HTR2C: variants seen among roughly 807,000 people sequenced by gnomAD.
The protein encoded by HTR2C is 5-hydroxytryptamine receptor 2C, also known as 5-hydroxytryptamine (serotonin) receptor 2C, G protein-coupled.
HTR2C carries 5 observed loss-of-function variants against 21.0 expected under a neutral mutation model. The observed-to-expected ratio is 0.24, with a 90% CI of 0.12 to 0.50. The LOEUF (loss-of-function observed/expected upper bound fraction) is 0.50. HTR2C is among the 20% of genes least tolerant of loss of function. The probability of loss-of-function intolerance (pLI) is 0.98; values close to 1 mark genes in which losing one functional copy is unlikely to be tolerated. For missense variants in HTR2C, 271 were observed against 371.2 expected (o/e 0.73, Z 2.22); for synonymous variants, 150 against 145.3 (o/e 1.03, Z -0.23).
intron 2 of HTR2C, among the ~76,000 whole-genome samples, chrX:114,672,016 G>T (rs1556411808): frequency 3.6e-5 from 4 of 111,207 alleles, no homozygotes; most frequent in Non-Finnish European, 7.5e-5. Flanking sequence ...AATGAAAAAG[G>T]TCACTACTAT....
intron 1 of HTR2C, among the ~76,000 whole-genome samples, chrX:114,605,983 G>A (rs1281669750): frequency 9.3e-6 from 1 of 107,334 alleles, no homozygotes; most frequent in Non-Finnish European, 1.9e-5. Flanking sequence ...ATACGAGGTT[G>A]GGGTGCAGAA....
At chrX:114,810,505 G>A (rs1018851520) in intron 4 of HTR2C, among the ~76,000 whole-genome samples, 3 of 109,675 alleles carry the variant, frequency 2.7e-5, no homozygotes, top group African/African-American at 1.0e-4. Flanking sequence ...CTCAGTGGGC[G>A]CTGGCTGATT....
At chrX:114,626,259 C>A (rs1261502242) in intron 2 of HTR2C, among the ~76,000 whole-genome samples, 1 of 107,922 alleles carries the variant, frequency 9.3e-6, no homozygotes, top group African/African-American at 3.4e-5. Flanking sequence ...CATGGTGGCA[C>A]ATGTCTGTAG....
intron 1 of HTR2C, among the ~76,000 whole-genome samples, chrX:114,594,022 T>C: frequency 8.9e-6 from 1 of 112,092 alleles, no homozygotes; most frequent in East Asian, 2.8e-4. Flanking sequence ...TCTGAGTGAT[T>C]GAAGACATGT....
At chrX:114,899,785 G>A (rs2071323988) in intron 5 of HTR2C, among the ~76,000 whole-genome samples, 2 of 107,930 alleles carry the variant, frequency 1.9e-5, no homozygotes, top group Admixed American at 1.9e-4. Flanking sequence ...CTCTCTGTGA[G>A]TGCCGTGGAC....
At chrX:114,597,497 G>C (rs927858757) in intron 1 of HTR2C, among the ~76,000 whole-genome samples, 4 of 111,841 alleles carry the variant, frequency 3.6e-5, no homozygotes, top group Non-Finnish European at 7.5e-5. Context: ...ACAACTAAAG[G>C]AATTTTATTG....
chrX:114,809,394 T>TG (rs1329669831), intron 4 of HTR2C, among the ~76,000 whole-genome samples: 8 of 105,920 alleles, frequency 7.6e-5, no homozygotes, highest in East Asian at 3.0e-4. Flanking sequence ...TTTTTGTTGT[T>TG]TTTTTTTTGA....
In HTR2C at chrX:114,862,058, GC is replaced by G. The variant is rs200390769; in HGVS notation, c.550+13857del. Among the ~76,000 whole-genome samples, 365 of 110,825 alleles carry G rather than the reference GC, an allele frequency of 3.3e-3. 15 individuals are homozygous for G. In the East Asian group the frequency reaches 0.1, roughly 30 times the overall value. ...ATGATATACAAAAATTCATTTCCAA[GC>G]CTAATGTACAAGAGCTTTTCCTTTA... On this transcript the variant is annotated intron_variant, in intron 5 of 5. Coordinates refer to ENST00000276198, the MANE Select transcript of HTR2C (RefSeq NM_000868.4).
At chrX:114,808,035 G>A (rs1057271467) in intron 4 of HTR2C, among the ~76,000 whole-genome samples, 2 of 110,437 alleles carry the variant, frequency 1.8e-5, no homozygotes, top group Non-Finnish European at 3.8e-5. Context: ...CTGTTGTGCT[G>A]TCAAATACTA....
intron 1 of HTR2C, among the ~76,000 whole-genome samples, chrX:114,602,943 G>A (rs1928193670): frequency 9.3e-6 from 1 of 107,769 alleles, no homozygotes; most frequent in African/African-American, 3.4e-5. Context: ...TTTCCTCGAT[G>A]GAAAGGAAAT....
chrX:114,604,708 G>A lies in HTR2C; in HGVS notation c.-146-9107G>A, dbSNP rs1386684045. ...CACACAGATGGGACACGGCTTAGGA[G>A]GAATCCTGGGCTGCGGGCATTCCTT... On this transcript the variant is annotated intron_variant, in intron 1 of 5. Coordinates refer to ENST00000276198, the MANE Select transcript of HTR2C (RefSeq NM_000868.4). 4.5e-5 allele frequency among the ~76,000 whole-genome samples: 5 copies of A among 110,852 alleles called. No individual in the cohort carries two copies. In the East Asian group the frequency reaches 1.4e-3, roughly 32 times the overall value.
At chrX:114,872,783 T>C (rs2071102321) in intron 5 of HTR2C, among the ~76,000 whole-genome samples, 1 of 111,345 alleles carries the variant, frequency 9.0e-6, no homozygotes, top group African/African-American at 3.2e-5. Context: ...AGTTGGTTTA[T>C]AGTATTGTTC....
chrX:114,652,022 T>C (rs977829425), intron 2 of HTR2C, among the ~76,000 whole-genome samples: 52 of 111,927 alleles, frequency 4.6e-4, no homozygotes, highest in African/African-American at 1.6e-3. Flanking sequence ...TTTTACCTCA[T>C]GATGATATCA....
At chrX:114,776,431 A>G in intron 4 of HTR2C, 1 of 724,326 alleles carries the variant, frequency 1.4e-6, no homozygotes, top group Non-Finnish European at 2.2e-6. Flanking sequence ...CCTCCTCTGG[A>G]TAGAAGATTT....
chrX:114,817,157 G>A (rs1359359929), intron 4 of HTR2C, among the ~76,000 whole-genome samples: 1 of 109,206 alleles, frequency 9.2e-6, no homozygotes, highest in Admixed American at 9.7e-5. Flanking sequence ...CATAAAATGT[G>A]TCTGTAGGTT....
intron 5 of HTR2C, among the ~76,000 whole-genome samples, chrX:114,874,868 T>C (rs1230977694): frequency 8.9e-6 from 1 of 111,751 alleles, no homozygotes; most frequent in Non-Finnish European, 1.9e-5. Flanking sequence ...CTTTTTCATA[T>C]ACCTGTCTGC....
At chrX:114,621,273 A>G (rs1929154409) in intron 2 of HTR2C, among the ~76,000 whole-genome samples, 1 of 111,485 alleles carries the variant, frequency 9.0e-6, no homozygotes, top group Admixed American at 9.6e-5. Flanking sequence ...ACTTTTGAAA[A>G]GAGCTAGATG....
chrX:114,628,228 GTATC>G lies in HTR2C; in HGVS notation c.-80+14365_-80+14368del, dbSNP rs3075524. Among the ~76,000 whole-genome samples the G allele has an allele frequency of 4.2e-3, 465 of 109,724 alleles. 2 individuals carry two copies. Among genetic ancestry groups the G allele is most frequent in the Non-Finnish European group, 6.2e-3 (327 of 52,748 alleles). On this transcript the variant is annotated intron_variant, in intron 2 of 5. Coordinates refer to ENST00000276198, the MANE Select transcript of HTR2C (RefSeq NM_000868.4). ...GCAGGAGTCTTTTATCTTGATATCT[GTATC>G]TATCTATCTATCTATCTTTTAATTG...
At chrX:114,714,538 G>C (rs1376740439) in intron 2 of HTR2C, among the ~76,000 whole-genome samples, 1 of 111,814 alleles carries the variant, frequency 8.9e-6, no homozygotes, top group Admixed American at 9.6e-5. Context: ...TGAGTTATGA[G>C]AATACTCAAG....
Sources: gnomAD v4.1 joint callset for allele counts (sites outside exome capture counted in the v4.1 genomes callset) on GRCh38, gnomAD v4.1.1 for gene constraint, MANE v1.5 for transcripts, NCBI Gene and HGNC (gene_info 2026-07-23, HGNC 2026-07-21) for gene names.